Variants in ADRA1A observed in about 807,000 individuals in gnomAD.
ADRA1A encodes alpha-1A adrenergic receptor.
In ADRA1A, 31 loss-of-function variants were observed where a neutral mutation model predicts 29.6. That is an observed-to-expected ratio of 1.05 (90% CI 0.79 to 1.41). The LOEUF is 1.41. ADRA1A is among the 40% of genes most tolerant of loss of function. The pLI, the probability that ADRA1A is intolerant of heterozygous loss-of-function variation, is 0.00. For missense variants in ADRA1A, 619 were observed against 601.1 expected, an observed-to-expected ratio of 1.03 and a Z score of -0.31; for synonymous variants, 311 against 254.3, an observed-to-expected ratio of 1.22 and a Z score of -2.12.
At chr8:26,828,835 G>T (rs1275058209) in intron 2 of ADRA1A, among the ~76,000 whole-genome samples, 1 of 152,072 alleles carries the variant, frequency 6.6e-6, no homozygotes, top group Non-Finnish European at 1.5e-5. Context: ...CTAGGGACAC[G>T]TGATAACCAC....
At chr8:26,853,590 T>C (rs1297770987) in intron 2 of ADRA1A, 1 of 152,184 alleles carries the variant, frequency 6.6e-6, no homozygotes, top group Non-Finnish European at 1.5e-5. Flanking sequence ...CTTTTTAATA[T>C]AACAAATGTG....
At chr8:26,802,373 CA>C (rs1306642332) in intron 2 of ADRA1A, among the ~76,000 whole-genome samples, 1 of 152,028 alleles carries the variant, frequency 6.6e-6, no homozygotes, top group Non-Finnish European at 1.5e-5. Context: ...TCAAACAACT[CA>C]ATAAGAAAAC....
chr8:26,785,584 A>G (rs1356198989), intron 2 of ADRA1A, among the ~76,000 whole-genome samples: 1 of 152,038 alleles, frequency 6.6e-6, no homozygotes, highest in African/African-American at 2.4e-5. Flanking sequence ...ATATCCTCCA[A>G]TTATTTGGGG....
At position 26,775,510 on chromosome 8, in the gene ADRA1A, G is replaced by A. The variant is rs182557440; in HGVS notation, c.884-4844C>T. On this transcript the variant is annotated intron_variant, in intron 2 of 2. Transcript: ENST00000380573. This position sits in a 1 kb window ranked among gnomAD's most constrained non-coding sequence, Gnocchi z 4.1. ...TCCAAATCACCCACATGAGAATAGG[G>A]GCTCCTACTTCTTTGGTCACCGTAG... Among the ~76,000 whole-genome samples the A allele has an allele frequency of 1.8e-4, 27 of 152,146 alleles. No individual in the cohort carries two copies. The East Asian group carries it at 5.2e-3, about 29-fold the overall frequency.
intron 2 of ADRA1A, among the ~76,000 whole-genome samples, chr8:26,856,663 C>G (rs1371864773): frequency 1.3e-5 from 2 of 152,194 alleles, no homozygotes; most frequent in African/African-American, 4.8e-5. Context: ...ACTTAATAGT[C>G]AAGCCCTCCT....
At chr8:26,845,677 TA>T (rs1812148202) in intron 2 of ADRA1A, among the ~76,000 whole-genome samples, 1 of 152,280 alleles carries the variant, frequency 6.6e-6, no homozygotes, top group East Asian at 1.9e-4. Context: ...AAGGCAGAAA[TA>T]ACTTAAATGA....
intron 2 of ADRA1A, among the ~76,000 whole-genome samples, chr8:26,798,082 G>A (rs960782524): frequency 6.6e-5 from 10 of 152,140 alleles, no homozygotes; most frequent in Admixed American, 6.5e-4. Context: ...AGGCTCAAGT[G>A]ATTCTCCTGC....
In ADRA1A at chr8:26,823,683, C is replaced by T. The variant is rs73231578; in HGVS notation, c.883+40404G>A. On this transcript the variant is annotated intron_variant, in intron 2 of 2. Transcript: ENST00000380573. This position sits in a 1 kb window ranked among gnomAD's most constrained non-coding sequence, Gnocchi z 4.2. ...TTTCCTATAAGACAGAGGATCAGGA[C>T]TAGTTGGCCTAGGACCCCTACCAGG... Among the ~76,000 whole-genome samples, 10,549 of 152,148 alleles carry T rather than the reference C, an allele frequency of 0.069. 447 individuals are homozygous for T. Among genetic ancestry groups the T allele is most frequent in the African/African-American group, 0.083 (3,445 of 41,496 alleles).
chr8:26,785,346 C>T (rs6998425), intron 2 of ADRA1A, among the ~76,000 whole-genome samples: 51,283 of 151,912 alleles, frequency 0.34, 9,987 homozygotes, highest in East Asian at 0.84. Context: ...GTTGTTGAAG[C>T]CATTTATAAT....
intron 2 of ADRA1A, among the ~76,000 whole-genome samples, chr8:26,858,454 A>G (rs1005885825): frequency 5.3e-5 from 8 of 152,206 alleles, no homozygotes; most frequent in African/African-American, 1.9e-4. Context: ...AACATTTATT[A>G]CCATTTACTC....
At chr8:26,794,907 G>A (rs1315735282) in intron 2 of ADRA1A, among the ~76,000 whole-genome samples, 1 of 152,078 alleles carries the variant, frequency 6.6e-6, no homozygotes, top group African/African-American at 2.4e-5. Context: ...GAGAAGAAAA[G>A]AAAGCAGATA....
chr8:26,824,864 A>G (rs1810435108), intron 2 of ADRA1A, among the ~76,000 whole-genome samples: 2 of 152,204 alleles, frequency 1.3e-5, no homozygotes, highest in South Asian at 2.1e-4. Context: ...ATGTTAAATG[A>G]GCCCATCTTT....
intron 2 of ADRA1A, among the ~76,000 whole-genome samples, chr8:26,786,744 TGGGG>T (rs11446463): frequency 2.7e-5 from 4 of 145,500 alleles, no homozygotes; most frequent in East Asian, 2.0e-4. Context: ...CATGCTGGGT[TGGGG>T]GGGGGGGTCT....
rs578254602 is a variant in ADRA1A at position 26,773,461 on chromosome 8, A to G, written c.884-2795T>C. ...AATAGTGACAGTGATGTGATTAAGG[A>G]AACCCATTTCACAAAGACCTGCCTG... is the stretch of plus-strand genomic sequence containing the variant. On this transcript the variant is annotated intron_variant, in intron 2 of 2. Transcript: ENST00000380573. 4.6e-5 allele frequency among the ~76,000 whole-genome samples: 7 copies of G among 152,286 alleles called. No homozygotes were observed. The South Asian group carries it at 1.5e-3, about 32-fold the overall frequency.
chr8:26,847,229 T>TA (rs540215540), intron 2 of ADRA1A, among the ~76,000 whole-genome samples: 21 of 149,544 alleles, frequency 1.4e-4, no homozygotes, highest in Non-Finnish European at 2.8e-4. Context: ...TAATAATAAA[T>TA]AAAAAAAAGA....
At chr8:26,776,286 G>A (rs1456207296) in intron 2 of ADRA1A, among the ~76,000 whole-genome samples, 2 of 152,218 alleles carry the variant, frequency 1.3e-5, no homozygotes, top group Non-Finnish European at 2.9e-5. Flanking sequence ...GAATGAGGGT[G>A]ACTTGATATG....
At chr8:26,832,301 C>CGCATT (rs992801634) in intron 2 of ADRA1A, among the ~76,000 whole-genome samples, 4 of 152,180 alleles carry the variant, frequency 2.6e-5, no homozygotes, top group Non-Finnish European at 5.9e-5. Context: ...ATTGCAAGCA[C>CGCATT]GCATTCCCTT....
intron 2 of ADRA1A, chr8:26,836,076 T>C (rs975210607): frequency 6.0e-6 from 1 of 167,656 alleles, no homozygotes; most frequent in African/African-American, 2.4e-5. Flanking sequence ...CTGGTATCAT[T>C]CACACATAGA....
Position 26,775,506 on chromosome 8 carries a change from T to C in ADRA1A, c.884-4840A>G, listed in dbSNP as rs1029017398. On this transcript the variant is annotated intron_variant, in intron 2 of 2. Coordinates refer to ENST00000380573, the MANE Select transcript of ADRA1A (RefSeq NM_000680.4). This position sits in a 1 kb window ranked among gnomAD's most constrained non-coding sequence, Gnocchi z 4.1. ...GACTTCCAAATCACCCACATGAGAA[T>C]AGGGGCTCCTACTTCTTTGGTCACC... 1.3e-5 allele frequency among the ~76,000 whole-genome samples: 2 copies of C among 152,192 alleles called. No homozygotes were observed. Among genetic ancestry groups the C allele is most frequent in the Admixed American group, 1.3e-4 (2 of 15,288 alleles).
Sources: gnomAD v4.1 joint callset for allele counts (sites outside exome capture counted in the v4.1 genomes callset) on GRCh38, gnomAD v4.1.1 for gene constraint, Gnocchi (gnomAD v3.1) non-coding constraint, MANE v1.5 for transcripts, NCBI Gene and HGNC (gene_info 2026-07-23, HGNC 2026-07-21) for gene names.